LRRC28: variants seen among roughly 807,000 people sequenced by gnomAD.
LRRC28 encodes leucine-rich repeat-containing protein 28.
Under a neutral mutation model 45.7 loss-of-function variants are expected in LRRC28, and 39 were observed. That is an observed-to-expected ratio of 0.85 (90% CI 0.66 to 1.12). The LOEUF (loss-of-function observed/expected upper bound fraction) is 1.12. Ranked by LOEUF, LRRC28 falls within the 50% of genes most tolerant of loss-of-function variation. LRRC28 has a pLI of 0.00. For synonymous variants in LRRC28, 206 were observed against 178.8 expected (o/e 1.15, Z -1.22); for missense variants, 435 against 438.5 (o/e 0.99, Z 0.07).
chr15:99,273,878 A>G (rs901610805), intron 2 of LRRC28, among the ~76,000 whole-genome samples: 1 of 152,222 alleles, frequency 6.6e-6, no homozygotes, highest in African/African-American at 2.4e-5. Context: ...TTTTTGGACA[A>G]ATCTTTCCTT....
intron 2 of LRRC28, among the ~76,000 whole-genome samples, chr15:99,260,956 G>A (rs1407584821): frequency 1.3e-5 from 2 of 151,436 alleles, no homozygotes; most frequent in Non-Finnish European, 2.9e-5. Flanking sequence ...ACATTTTTGC[G>A]TGTGTGTTAA....
At chr15:99,300,422 A>G (rs1251177913) in intron 5 of LRRC28, among the ~76,000 whole-genome samples, 1 of 152,168 alleles carries the variant, frequency 6.6e-6, no homozygotes, top group Non-Finnish European at 1.5e-5. Flanking sequence ...TTAATTATTA[A>G]AATATTCAAT....
At chr15:99,347,242 C>T (rs1209343029) in intron 6 of LRRC28, among the ~76,000 whole-genome samples, 1 of 151,766 alleles carries the variant, frequency 6.6e-6, no homozygotes, top group Non-Finnish European at 1.5e-5. Flanking sequence ...TGGAGTCTCC[C>T]TCTGTCACCC....
At chr15:99,323,528 A>G (rs1164132040) in intron 5 of LRRC28, among the ~76,000 whole-genome samples, 2 of 152,208 alleles carry the variant, frequency 1.3e-5, no homozygotes, top group African/African-American at 4.8e-5. Context: ...TTTCAAGTGA[A>G]TCTGAATTGC....
chr15:99,257,473 A>G (rs906890037), intron 2 of LRRC28, among the ~76,000 whole-genome samples: 5 of 152,228 alleles, frequency 3.3e-5, no homozygotes, highest in African/African-American at 4.8e-5. Flanking sequence ...CCATAGCCCA[A>G]TGGGGTAGAC....
chr15:99,379,976 T>A (rs555099916), intron 9 of LRRC28, among the ~76,000 whole-genome samples: 8 of 152,346 alleles, frequency 5.3e-5, no homozygotes, highest in Admixed American at 2.6e-4. Flanking sequence ...TGGTCAATTT[T>A]TGAATAAGTG....
chr15:99,256,330 T>A lies in LRRC28; in HGVS notation c.168+205T>A, dbSNP rs13329174. ...GCAGTTATGAGGTTGCCGGAGAAGT[T>A]GTGTAGGAAAGCAAAATACTCACTG... On this transcript the variant is annotated intron_variant, in intron 2 of 9. Coordinates refer to ENST00000301981, the MANE Select transcript of LRRC28 (RefSeq NM_144598.5). 4,060 of 411,426 alleles carry A rather than the reference T, an allele frequency of 9.9e-3. 140 individuals carry two copies. Among genetic ancestry groups the A allele is most frequent in the African/African-American group, 0.076 (3,709 of 48,858 alleles). 25.5% of individuals were successfully genotyped at this position (411,426 alleles called of 1,614,324 possible).
intron 5 of LRRC28, among the ~76,000 whole-genome samples, chr15:99,301,808 C>T (rs1954979403): frequency 6.6e-6 from 1 of 152,086 alleles, no homozygotes; most frequent in Non-Finnish European, 1.5e-5. Context: ...TTTCTAACTA[C>T]TTCTAAATCA....
chr15:99,347,586 A>T (rs1182267748), intron 6 of LRRC28, among the ~76,000 whole-genome samples: 2 of 152,228 alleles, frequency 1.3e-5, no homozygotes, highest in Non-Finnish European at 2.9e-5. Context: ...TGTCTTCCAG[A>T]TTCATCCAGG....
chr15:99,251,855 T>C (rs1026916245), intron 1 of LRRC28: 1 of 152,258 alleles, frequency 6.6e-6, no homozygotes, highest in Admixed American at 6.5e-5. Flanking sequence ...TGCCTAAGAC[T>C]CTGCCAGTGT....
intron 6 of LRRC28, among the ~76,000 whole-genome samples, chr15:99,347,077 A>G (rs1359650200): frequency 6.6e-6 from 1 of 152,236 alleles, no homozygotes; most frequent in Non-Finnish European, 1.5e-5. Context: ...GTACAAGTTT[A>G]TTAACCATAG....
At chr15:99,267,778 A>T (rs1475657256) in intron 2 of LRRC28, among the ~76,000 whole-genome samples, 1 of 152,166 alleles carries the variant, frequency 6.6e-6, no homozygotes, top group Non-Finnish European at 1.5e-5. Flanking sequence ...GAATTTTCAG[A>T]TTTAGAAGCT....
intron 5 of LRRC28, among the ~76,000 whole-genome samples, chr15:99,295,262 A>C (rs554583041): frequency 6.6e-6 from 1 of 152,310 alleles, no homozygotes; most frequent in East Asian, 1.9e-4. Context: ...TGTACCACTT[A>C]AACATTTACG....
chr15:99,259,689 C>T (rs766778372), intron 2 of LRRC28: 47 of 1,382,460 alleles, frequency 3.4e-5, no homozygotes, highest in Middle Eastern at 1.8e-4. Context: ...CCCAGACATC[C>T]GCTGATCAGA....
At position 99,379,187 on chromosome 15, in the gene LRRC28, G is replaced by C. The variant is rs546260025; in HGVS notation, c.1032-6843G>C. ...GGTCCTGGACTTTTTTTGGTTGGTA[G>C]GCTATTAATTATTGCCTCAATTTCA... On this transcript the variant is annotated intron_variant, in intron 9 of 9. Coordinates refer to ENST00000301981, the MANE Select transcript of LRRC28 (RefSeq NM_144598.5). Among the ~76,000 whole-genome samples, 136 of 152,186 alleles carry C rather than the reference G, an allele frequency of 8.9e-4. 3 individuals are homozygous for C. The South Asian group carries it at 0.028, about 31-fold the overall frequency.
chr15:99,278,260 T>A (rs552325815), intron 3 of LRRC28, among the ~76,000 whole-genome samples: 21 of 152,200 alleles, frequency 1.4e-4, no homozygotes, highest in East Asian at 3.9e-4. Context: ...TAAAAAAAAA[T>A]TTTTTAAGAC....
At chr15:99,315,685 G>T (rs946384269) in intron 5 of LRRC28, among the ~76,000 whole-genome samples, 4 of 152,134 alleles carry the variant, frequency 2.6e-5, no homozygotes, top group Non-Finnish European at 1.5e-5. Flanking sequence ...ATATAGAAAG[G>T]TTTGAAGTTG....
At chr15:99,350,733 A>T (rs757335054) in intron 6 of LRRC28, among the ~76,000 whole-genome samples, 1 of 152,174 alleles carries the variant, frequency 6.6e-6, no homozygotes, top group African/African-American at 2.4e-5. Context: ...CCTTCAGCCT[A>T]TCTTCTATGT....
rs2081065842 is a variant in LRRC28, at chr15:99,257,709, G to A, written c.168+1584G>A. The A allele has an allele frequency of 5.2e-6, 4 of 770,252 alleles. No individual in the cohort carries two copies. In the South Asian group the frequency reaches 5.4e-5, roughly 10 times the overall value. 47.7% of individuals were successfully genotyped at this position (770,252 alleles called of 1,614,324 possible). A position where few individuals can be genotyped will look rare whatever the true frequency, so the allele number is the denominator to read the frequency against. On this transcript the variant is annotated intron_variant, in intron 2 of 9. Transcript: ENST00000301981. Reference sequence around the variant, plus strand: ...GGTCAGAGCTGTTGATGAAGTTGATGTGGAAGGTACAGTAGAAGAGGATCT... The same window carrying A: ...GGTCAGAGCTGTTGATGAAGTTGATATGGAAGGTACAGTAGAAGAGGATCT...
Sources: allele counts gnomAD v4.1 joint callset (sites outside exome capture counted in the v4.1 genomes callset), GRCh38; gene constraint gnomAD v4.1.1; transcripts MANE v1.5; gene names NCBI Gene and HGNC (gene_info 2026-07-23, HGNC 2026-07-21).